The following FGGY variants were observed in gnomAD, a reference collection of about 807,000 sequenced individuals.
FGGY encodes the protein FGGY carbohydrate kinase domain-containing protein.
In FGGY, 72 loss-of-function variants were observed where a neutral mutation model predicts 71.3. The ratio of observed to expected loss-of-function variants is 1.01; its 90% CI spans 0.84 to 1.23. The LOEUF (loss-of-function observed/expected upper bound fraction) is 1.23, where lower values mean the gene tolerates loss of function less well. Among genes scored for constraint, FGGY ranks in the 50% most tolerant of loss-of-function variants. The probability of loss-of-function intolerance (pLI) is 0.00; values close to 1 mark genes in which losing one functional copy is unlikely to be tolerated. For missense variants in FGGY, 668 were observed against 682.3 expected (o/e 0.98, Z 0.23); for synonymous variants, 251 against 250.3 (o/e 1.00, Z -0.02).
At chr1:59,457,513 A>G (rs913100835) in intron 6 of FGGY, among the ~76,000 whole-genome samples, 4 of 151,984 alleles carry the variant, frequency 2.6e-5, no homozygotes, top group African/African-American at 7.3e-5. Flanking sequence ...CCGGAGGCTG[A>G]GGTGGGGGGA....
intron 1 of FGGY, among the ~76,000 whole-genome samples, chr1:59,299,887 T>A (rs1457034327): frequency 2.0e-5 from 3 of 151,650 alleles, no homozygotes; most frequent in Non-Finnish European, 4.4e-5. Context: ...GGGTGGAGAA[T>A]GAGCAGGTAA....
chr1:59,618,906 A>G (rs935596996), intron 9 of FGGY, among the ~76,000 whole-genome samples: 1 of 152,038 alleles, frequency 6.6e-6, no homozygotes, highest in African/African-American at 2.4e-5. Context: ...CACTAATTAT[A>G]ATTACTTCAT....
intron 3 of FGGY, among the ~76,000 whole-genome samples, chr1:59,343,034 G>T (rs1480555943): frequency 6.6e-6 from 1 of 152,092 alleles, no homozygotes; most frequent in Non-Finnish European, 1.5e-5. Context: ...TACCCTGATT[G>T]TGTCATCTCA....
At chr1:59,616,014 A>G (rs546406258) in intron 9 of FGGY, among the ~76,000 whole-genome samples, 7 of 151,384 alleles carry the variant, frequency 4.6e-5, no homozygotes, top group Non-Finnish European at 7.4e-5. Context: ...CTGGAGAAAT[A>G]GGAACACTTT....
intron 5 of FGGY, among the ~76,000 whole-genome samples, chr1:59,429,209 T>C (rs1183327581): frequency 6.6e-6 from 1 of 151,734 alleles, no homozygotes; most frequent in Admixed American, 6.6e-5. Context: ...GCAAAGTAAA[T>C]CTCTTGGTGG....
chr1:59,322,484 A>G (rs967611307), intron 2 of FGGY, among the ~76,000 whole-genome samples: 4 of 152,080 alleles, frequency 2.6e-5, no homozygotes, highest in Non-Finnish European at 5.9e-5. Flanking sequence ...CAATTGTATC[A>G]TTCCTATACC....
rs55986439 is a variant in FGGY at position 59,379,162 on chromosome 1, A to AACACACACACACACACACACACACACAC, written c.554+329_554+356dup. ...ACATGATGAATAAAAGGAAAAAATA[A>AACACACACACACACACACACACACACAC]ACACACACACACACACACACACACA... On this transcript the variant is annotated intron_variant, in intron 5 of 15. Coordinates refer to ENST00000303721, the MANE Select transcript of FGGY (RefSeq NM_018291.5). Among the ~76,000 whole-genome samples, 131 of 143,110 alleles carry AACACACACACACACACACACACACACAC rather than the reference A, an allele frequency of 9.2e-4. 1 individual carries two copies. The highest frequency in any genetic ancestry group is 2.8e-3 in the Admixed American group (40 of 14,130). 93.9% of individuals were successfully genotyped at this position (143,110 alleles called of 152,430 possible).
At chr1:59,592,896 G>A (rs12130916) in intron 8 of FGGY, among the ~76,000 whole-genome samples, 1 of 151,608 alleles carries the variant, frequency 6.6e-6, no homozygotes, top group African/African-American at 2.4e-5. Context: ...ATAACTAACC[G>A]GCACATTGTG....
At chr1:59,615,296 A>G (rs539549528) in intron 9 of FGGY, among the ~76,000 whole-genome samples, 3 of 152,224 alleles carry the variant, frequency 2.0e-5, no homozygotes, top group Non-Finnish European at 1.5e-5. Context: ...TGGTATCATA[A>G]CAGAGATATA....
chr1:59,592,244 C>T (rs1449261257), intron 8 of FGGY, among the ~76,000 whole-genome samples: 2 of 152,142 alleles, frequency 1.3e-5, no homozygotes, highest in East Asian at 1.9e-4. Context: ...GATACCATCT[C>T]ACACCAGTTA....
At chr1:59,473,908 C>A (rs985803366) in intron 6 of FGGY, among the ~76,000 whole-genome samples, 3 of 152,186 alleles carry the variant, frequency 2.0e-5, no homozygotes, top group African/African-American at 7.2e-5. Context: ...AAGTCACATA[C>A]CTTGCCCCTT....
intron 8 of FGGY, among the ~76,000 whole-genome samples, chr1:59,567,025 A>G (rs368173836): frequency 4.6e-5 from 7 of 152,274 alleles, no homozygotes; most frequent in African/African-American, 1.7e-4. Flanking sequence ...TAAATAATAG[A>G]TATATACATG....
intron 8 of FGGY, among the ~76,000 whole-genome samples, chr1:59,573,027 A>G (rs190955550): frequency 6.6e-6 from 1 of 152,318 alleles, no homozygotes; most frequent in Non-Finnish European, 1.5e-5. Flanking sequence ...CCTGACTTGA[A>G]TCTGATCATG....
At chr1:59,670,342 T>C (rs1405448575) in intron 13 of FGGY, among the ~76,000 whole-genome samples, 6 of 152,230 alleles carry the variant, frequency 3.9e-5, no homozygotes, top group Admixed American at 3.9e-4. Flanking sequence ...TTAAACATTG[T>C]ATTGCTCTAG....
chr1:59,400,665 T>G (rs1224065135), intron 5 of FGGY, among the ~76,000 whole-genome samples: 1 of 152,098 alleles, frequency 6.6e-6, no homozygotes, highest in East Asian at 1.9e-4. Flanking sequence ...AAGGTTGACA[T>G]TCTGCTTTTA....
At chr1:59,687,743 C>G (rs2097556815) in intron 14 of FGGY, among the ~76,000 whole-genome samples, 1 of 152,044 alleles carries the variant, frequency 6.6e-6, no homozygotes, top group East Asian at 1.9e-4. Context: ...GCTGGGATTA[C>G]AGGCGTGAGC....
chr1:59,576,472 A>C (rs1215862697), intron 8 of FGGY, among the ~76,000 whole-genome samples: 1 of 152,110 alleles, frequency 6.6e-6, no homozygotes, highest in African/African-American at 2.4e-5. Flanking sequence ...AGCCTAGATG[A>C]CGGGTTGATA....
chr1:59,672,264 A>G (rs571435604), intron 13 of FGGY, among the ~76,000 whole-genome samples: 2 of 152,316 alleles, frequency 1.3e-5, no homozygotes, highest in East Asian at 3.9e-4. Flanking sequence ...GGTCTAGTAC[A>G]TGCATAGAGG....
At chr1:59,655,235 A>G (rs1000614214) in intron 11 of FGGY, among the ~76,000 whole-genome samples, 3 of 152,212 alleles carry the variant, frequency 2.0e-5, no homozygotes, top group Non-Finnish European at 4.4e-5. Flanking sequence ...ACTTATTAAG[A>G]GAAACGGAAA....
Sources: allele counts gnomAD v4.1 joint callset (sites outside exome capture counted in the v4.1 genomes callset), GRCh38; gene constraint gnomAD v4.1.1; transcripts MANE v1.5; gene names NCBI Gene and HGNC (gene_info 2026-07-23, HGNC 2026-07-21).